The following HHIP variants were observed in gnomAD, a reference collection of about 807,000 sequenced individuals.
HHIP encodes hedgehog interacting protein, also known as hedgehog-interacting protein.
A neutral mutation model predicts 74.0 loss-of-function variants in HHIP; 12 were observed. That is an observed-to-expected ratio of 0.16 (90% confidence interval 0.10 to 0.26). HHIP has a LOEUF of 0.26. Ranked by LOEUF, HHIP falls within the 10% of genes least tolerant of loss-of-function variation. The probability of loss-of-function intolerance (pLI) is 1.00; values close to 1 mark genes in which losing one functional copy is unlikely to be tolerated. For synonymous variants in HHIP, 309 were observed against 311.6 expected (o/e 0.99, Z 0.09); for missense variants, 788 against 845.0 (o/e 0.93, Z 0.84).
chr4:144,719,922 C>G (rs1357578031), intron 11 of HHIP, among the ~76,000 whole-genome samples: 1 of 152,164 alleles, frequency 6.6e-6, no homozygotes, highest in Non-Finnish European at 1.5e-5. Context: ...TATTCTTTCT[C>G]AATTGCAAAT....
At position 144,659,695 on chromosome 4, in the gene HHIP, G is replaced by T. The variant is rs147080443; in HGVS notation, c.688G>T (p.Val230Phe). 6.3e-7 allele frequency: 1 copy of T among 1,581,750 alleles called. No homozygotes were observed. The part of the protein sequence containing the change: ...QEVVSGLRQP[V>F]GALHSGDGSQ... Reference sequence around the variant, plus strand: ...GGTTGTGAGTGGGCTGCGGCAGCCCGTTGGTGCCCTGCATAGTGGGGATGG... The same window carrying T: ...GGTTGTGAGTGGGCTGCGGCAGCCCTTTGGTGCCCTGCATAGTGGGGATGG... The change falls in exon 4 of 13, where the codon GTT becomes TTT. Residue 230 changes from valine to phenylalanine, a missense_variant. By Grantham distance (50) the Val-to-Phe change is conservative (BLOSUM62 -1). Around this residue, in one of 3 missense-constraint regions of HHIP, gnomAD observed 373 missense variants for 366.4 expected, o/e 1.02. Transcript: ENST00000296575.
chr4:144,694,106 A>G (rs2126638402), intron 4 of HHIP, among the ~76,000 whole-genome samples: 1 of 152,110 alleles, frequency 6.6e-6, no homozygotes. Flanking sequence ...AAAAATATCA[A>G]AGATTCAAAG....
Position 144,684,232 on chromosome 4 carries a change from A to ATTTTTT in HHIP, c.832-22260_832-22255dup, listed in dbSNP as rs1174297815. ...ATGAAAAATACAAAAAAAAAAAAGA[A>ATTTTTT]TTTTTTTTTTTTTTTTTTTTTTTTT... On this transcript the variant is annotated intron_variant, in intron 4 of 12. Transcript: ENST00000296575. Among the ~76,000 whole-genome samples, 21 of 63,008 alleles carry ATTTTTT rather than the reference A, an allele frequency of 3.3e-4. 2 individuals are homozygous for ATTTTTT. The highest frequency in any genetic ancestry group is 4.1e-4 in the Non-Finnish European group (13 of 32,060). 41.3% of individuals were successfully genotyped at this position (63,008 alleles called of 152,430 possible).
chr4:144,683,672 G>T (rs375000911), intron 4 of HHIP, among the ~76,000 whole-genome samples: 1 of 152,150 alleles, frequency 6.6e-6, no homozygotes, highest in Non-Finnish European at 1.5e-5. Flanking sequence ...AATCTCGCCT[G>T]TAGCCTGTTT....
chr4:144,667,765 T>A (rs1432395776), intron 4 of HHIP, among the ~76,000 whole-genome samples: 1 of 152,166 alleles, frequency 6.6e-6, no homozygotes, highest in East Asian at 1.9e-4. Context: ...ATGTCGGTCT[T>A]TTTTGTGTTT....
At chr4:144,732,541 C>G (rs1730990261) in intron 11 of HHIP, among the ~76,000 whole-genome samples, 1 of 152,118 alleles carries the variant, frequency 6.6e-6, no homozygotes, top group East Asian at 1.9e-4. Flanking sequence ...ACACTCTCCC[C>G]TAAAGAATAG....
intron 4 of HHIP, among the ~76,000 whole-genome samples, chr4:144,702,801 C>A (rs1730023085): frequency 6.6e-6 from 1 of 151,990 alleles, no homozygotes; most frequent in Non-Finnish European, 1.5e-5. Flanking sequence ...CCCAGAAGCA[C>A]AATATACAAA....
At position 144,745,100 on chromosome 4, in the gene HHIP, T is replaced by C. The variant is rs1731346263; in HGVS notation, c.*7143T>C. 1 of 152,222 alleles carries C rather than the reference T, an allele frequency of 6.6e-6. No homozygotes were observed. Among genetic ancestry groups the C allele is most frequent in the African/African-American group, 2.4e-5 (1 of 41,460 alleles). 9.4% of individuals were successfully genotyped at this position (152,222 alleles called of 1,614,324 possible). A position where few individuals can be genotyped will look rare whatever the true frequency, so the allele number is the denominator to read the frequency against. On this transcript the variant is annotated 3_prime_UTR_variant, in exon 13 of 13. Coordinates refer to ENST00000296575, the MANE Select transcript of HHIP (RefSeq NM_022475.3). ...AGTGGTAAATGCAGAGAATTGGTTT[T>C]ATTGTTGATCTGTGGATTTAATGAT...
intron 11 of HHIP, among the ~76,000 whole-genome samples, chr4:144,727,766 G>A (rs1730842969): frequency 6.6e-6 from 1 of 152,150 alleles, no homozygotes; most frequent in Non-Finnish European, 1.5e-5. Flanking sequence ...GTTGATACAG[G>A]ATATCCACAT....
chr4:144,699,023 C>T (rs1310909572), intron 4 of HHIP, among the ~76,000 whole-genome samples: 1 of 152,116 alleles, frequency 6.6e-6, no homozygotes, highest in Non-Finnish European at 1.5e-5. Context: ...TCACACCCAC[C>T]AGTCCTCCCA....
At chr4:144,719,882 T>A (rs968093937) in intron 11 of HHIP, among the ~76,000 whole-genome samples, 1 of 152,206 alleles carries the variant, frequency 6.6e-6, no homozygotes, top group Non-Finnish European at 1.5e-5. Flanking sequence ...ACTCTAATAA[T>A]CTGAAAAGTT....
intron 4 of HHIP, among the ~76,000 whole-genome samples, chr4:144,700,400 C>A (rs1412493913): frequency 1.3e-5 from 2 of 152,174 alleles, no homozygotes; most frequent in Non-Finnish European, 2.9e-5. Flanking sequence ...CAGAATAATG[C>A]CCCTCCCCAA....
chr4:144,692,625 C>T (rs924456966), intron 4 of HHIP, among the ~76,000 whole-genome samples: 19 of 152,120 alleles, frequency 1.2e-4, no homozygotes, highest in African/African-American at 4.6e-4. Flanking sequence ...CTATTCTTGT[C>T]TTTTATAGCC....
In HHIP at chr4:144,659,006, G is replaced by T. The variant is rs1728628155; in HGVS notation, c.629+60G>T. The T allele has an allele frequency of 9.3e-6, 13 of 1,403,646 alleles. No individual in the cohort carries two copies. The South Asian group carries it at 1.2e-4, about 13-fold the overall frequency. The allele number at this position is 1,403,646 out of a possible 1,614,324, so 86.9% of individuals were successfully genotyped here. ...AAAAACCCAACTGACAAATCTTGTGGTTTTGACAGTGAATCAACTGTCTGT... is the reference window on the plus strand; with the variant it reads ...AAAAACCCAACTGACAAATCTTGTGTTTTTGACAGTGAATCAACTGTCTGT... On this transcript the variant is annotated intron_variant, in intron 3 of 12. Coordinates refer to ENST00000296575, the MANE Select transcript of HHIP (RefSeq NM_022475.3).
chr4:144,671,013 C>T (rs1013974934), intron 4 of HHIP, among the ~76,000 whole-genome samples: 2 of 152,090 alleles, frequency 1.3e-5, no homozygotes, highest in Non-Finnish European at 2.9e-5. Context: ...TCAATTACTA[C>T]CCTAGACTGG....
At chr4:144,716,887 A>AAAAAAAAAAG (rs1730467557) in intron 10 of HHIP, among the ~76,000 whole-genome samples, 1 of 131,448 alleles carries the variant, frequency 7.6e-6, no homozygotes. Context: ...AAAAAAAAAA[A>AAAAAAAAAAG]AGTAAAAGAA....
At chr4:144,731,854 C>T (rs1283219174) in intron 11 of HHIP, among the ~76,000 whole-genome samples, 1 of 152,154 alleles carries the variant, frequency 6.6e-6, no homozygotes, top group Non-Finnish European at 1.5e-5. Flanking sequence ...AAAGTAGTTG[C>T]CTCCTCATCT....
At chr4:144,709,209 C>A (rs1181496119) in intron 7 of HHIP, among the ~76,000 whole-genome samples, 1 of 152,206 alleles carries the variant, frequency 6.6e-6, no homozygotes, top group Non-Finnish European at 1.5e-5. Context: ...TGCCCTTCAT[C>A]TCTCCTCCAT....
chr4:144,738,527 T>C lies in HHIP; in HGVS notation c.*570T>C, dbSNP rs201029240. 126 of 957,428 alleles carry C rather than the reference T, an allele frequency of 1.3e-4. No individual in the cohort carries two copies. The highest frequency in any genetic ancestry group is 1.5e-4 in the Non-Finnish European group (121 of 804,246). The allele number at this position is 957,428 out of a possible 1,614,324, so 59.3% of individuals were successfully genotyped here. A position where few individuals can be genotyped will look rare whatever the true frequency, so the allele number is the denominator to read the frequency against. ...TACAGAATGCTACACACTTACCTTT[T>C]TATTGGCTGAGAAATCTGGTTATTT... On this transcript the variant is annotated 3_prime_UTR_variant, in exon 13 of 13. Transcript: ENST00000296575.
Sources: allele counts gnomAD v4.1 joint callset (sites outside exome capture counted in the v4.1 genomes callset), GRCh38; gene constraint gnomAD v4.1.1; regional missense constraint gnomAD v4.1.1; transcripts MANE v1.5; gene names NCBI Gene and HGNC (gene_info 2026-07-23, HGNC 2026-07-21).